GREM2: variants seen among roughly 807,000 people sequenced by gnomAD.
GREM2 encodes the protein gremlin-2.
GREM2 carries 11 observed loss-of-function variants against 14.2 expected under a neutral mutation model. That is an observed-to-expected ratio of 0.78 (90% CI 0.49 to 1.28). GREM2 has a LOEUF of 1.28. GREM2 is among the 50% of genes most tolerant of loss of function. GREM2 has a pLI of 0.00. For missense variants in GREM2, 210 were observed against 218.5 expected, an observed-to-expected ratio of 0.96 and a Z score of 0.24; for synonymous variants, 98 against 97.6, an observed-to-expected ratio of 1.00 and a Z score of -0.02.
At chr1:240,586,833 G>A (rs1318780082) in intron 1 of GREM2, among the ~76,000 whole-genome samples, 4 of 152,186 alleles carry the variant, frequency 2.6e-5, no homozygotes, top group Admixed American at 2.6e-4. Flanking sequence ...CAAAGAAACT[G>A]CATGTTTAAA....
intron 1 of GREM2, among the ~76,000 whole-genome samples, chr1:240,609,864 G>A (rs1334148597): frequency 6.6e-6 from 1 of 151,964 alleles, no homozygotes; most frequent in Non-Finnish European, 1.5e-5. Flanking sequence ...TTAAAGGCAT[G>A]TACCTTGTTT....
chr1:240,522,452 T>G (rs1317955478), intron 1 of GREM2, among the ~76,000 whole-genome samples: 2 of 152,122 alleles, frequency 1.3e-5, no homozygotes, highest in Non-Finnish European at 2.9e-5. Context: ...CACCAACATC[T>G]AGTGGTAAAA....
At chr1:240,564,450 A>G (rs1409129214) in intron 1 of GREM2, among the ~76,000 whole-genome samples, 1 of 151,744 alleles carries the variant, frequency 6.6e-6, no homozygotes, top group Non-Finnish European at 1.5e-5. Flanking sequence ...GGAGGTTGCA[A>G]TGAGCCAAGA....
chr1:240,519,843 G>A (rs1223692408), intron 1 of GREM2, among the ~76,000 whole-genome samples: 1 of 152,168 alleles, frequency 6.6e-6, no homozygotes, highest in Non-Finnish European at 1.5e-5. Flanking sequence ...CACTTTGGGA[G>A]GCCGAGGTGG....
intron 1 of GREM2, among the ~76,000 whole-genome samples, chr1:240,494,817 C>T (rs911680138): frequency 2.0e-5 from 3 of 152,050 alleles, no homozygotes; most frequent in Non-Finnish European, 4.4e-5. Flanking sequence ...AGGAGAATGG[C>T]GTGAACCCGG....
chr1:240,516,943 A>G (rs59485149), intron 1 of GREM2, among the ~76,000 whole-genome samples: 59,852 of 151,928 alleles, frequency 0.39, 12,147 homozygotes, highest in East Asian at 0.72. Flanking sequence ...CTCTGTCTCT[A>G]GTACTTGTCA....
intron 1 of GREM2, among the ~76,000 whole-genome samples, chr1:240,508,948 C>T (rs1677738781): frequency 6.6e-6 from 1 of 152,162 alleles, no homozygotes. Context: ...TGGTCCATTG[C>T]CTGGGGCAAA....
chr1:240,517,832 C>T (rs1405033352), intron 1 of GREM2, among the ~76,000 whole-genome samples: 1 of 152,184 alleles, frequency 6.6e-6, no homozygotes, highest in African/African-American at 2.4e-5. Flanking sequence ...GAGATTATTT[C>T]AAACCAGCTA....
chr1:240,587,612 A>T (rs1051330002), intron 1 of GREM2, among the ~76,000 whole-genome samples: 2 of 152,146 alleles, frequency 1.3e-5, no homozygotes, highest in Non-Finnish European at 2.9e-5. Flanking sequence ...GTGAGCTACC[A>T]TACCAGCCGT....
chr1:240,608,824 C>A (rs778884104), intron 1 of GREM2, among the ~76,000 whole-genome samples: 2 of 152,082 alleles, frequency 1.3e-5, no homozygotes, highest in Non-Finnish European at 2.9e-5. Flanking sequence ...GGGAAGAGGG[C>A]ACTTCAAGTT....
Position 240,544,010 on chromosome 1 carries a change from T to C in GREM2, c.-1-50534A>G, listed in dbSNP as rs140608112. On this transcript the variant is annotated intron_variant, in intron 1 of 1. Coordinates refer to ENST00000318160, the MANE Select transcript of GREM2 (RefSeq NM_022469.4). ...TTCCACAGTTATAAAAATCAAAACT[T>C]GAATTTGCTGTGCCTCAAGTACTAC... is the stretch of plus-strand genomic sequence containing the variant. Among the ~76,000 whole-genome samples, 356 of 152,280 alleles carry C rather than the reference T, an allele frequency of 2.3e-3. 3 individuals carry two copies. The highest frequency in any genetic ancestry group is 8.0e-3 in the African/African-American group (332 of 41,566).
chr1:240,600,883 G>A (rs1209298732), intron 1 of GREM2, among the ~76,000 whole-genome samples: 1 of 152,132 alleles, frequency 6.6e-6, no homozygotes, highest in Non-Finnish European at 1.5e-5. Context: ...TCTAGCTCTG[G>A]TTCCATAAAT....
At chr1:240,580,549 G>A (rs1679464497) in intron 1 of GREM2, among the ~76,000 whole-genome samples, 1 of 152,140 alleles carries the variant, frequency 6.6e-6, no homozygotes, top group South Asian at 2.1e-4. Flanking sequence ...TACCTTCTGT[G>A]CAACATTTAG....
At chr1:240,586,565 G>A (rs1011918781) in intron 1 of GREM2, among the ~76,000 whole-genome samples, 2 of 152,146 alleles carry the variant, frequency 1.3e-5, no homozygotes, top group Non-Finnish European at 2.9e-5. Flanking sequence ...TGTAAGGAAG[G>A]AAGTGGACCC....
In GREM2 at chr1:240,493,256, T is replaced by G; in HGVS notation, c.220A>C (p.Lys74Gln). ...ERKYLKSDWC[K>Q]TQPLRQTVSE... Reference sequence around the variant, plus strand: ...ACCGTCTGCCGCAGCGGCTGCGTCTTGCACCAGTCACTCTTGAGGTACTTG... The same window carrying G: ...ACCGTCTGCCGCAGCGGCTGCGTCTGGCACCAGTCACTCTTGAGGTACTTG... Residue 74 changes from lysine to glutamine, a missense_variant, in exon 2 of 2, where the codon AAG becomes CAG. Transcript: ENST00000318160. The G allele has an allele frequency of 1.2e-6, 2 of 1,614,090 alleles. No individual in the cohort carries two copies. Among genetic ancestry groups the G allele is most frequent in the Non-Finnish European group, 1.7e-6 (2 of 1,180,030 alleles).
intron 1 of GREM2, among the ~76,000 whole-genome samples, chr1:240,549,144 C>T (rs994580591): frequency 3.3e-5 from 5 of 151,728 alleles, no homozygotes; most frequent in South Asian, 2.1e-4. Flanking sequence ...AAAACCAGCC[C>T]GGCCAACATG....
At chr1:240,501,975 T>C (rs1279292418) in intron 1 of GREM2, among the ~76,000 whole-genome samples, 1 of 152,098 alleles carries the variant, frequency 6.6e-6, no homozygotes, top group Non-Finnish European at 1.5e-5. Context: ...AGTACCTAAA[T>C]ATTTTTTTTT....
At chr1:240,568,459 A>G (rs1679204576) in intron 1 of GREM2, among the ~76,000 whole-genome samples, 1 of 152,194 alleles carries the variant, frequency 6.6e-6, no homozygotes, top group Non-Finnish European at 1.5e-5. Flanking sequence ...AAATTGTAGG[A>G]TAATAGACTT....
intron 1 of GREM2, among the ~76,000 whole-genome samples, chr1:240,596,929 T>C (rs1449443852): frequency 6.6e-6 from 1 of 152,174 alleles, no homozygotes; most frequent in Non-Finnish European, 1.5e-5. Context: ...ATAGTCACTT[T>C]CTCCGTCCTG....
Sources: gnomAD v4.1 joint callset for allele counts (sites outside exome capture counted in the v4.1 genomes callset) on GRCh38, gnomAD v4.1.1 for gene constraint, MANE v1.5 for transcripts, NCBI Gene and HGNC (gene_info 2026-07-23, HGNC 2026-07-21) for gene names.